HDAC1: variants seen among roughly 807,000 people sequenced by gnomAD.
HDAC1 encodes the protein protein deacetylase HDAC1.
In HDAC1, 18 loss-of-function variants were observed where a neutral mutation model predicts 65.5. The observed-to-expected ratio is 0.27, with a 90% CI of 0.19 to 0.41. The LOEUF is 0.41. Ranked by LOEUF, HDAC1 falls within the 10% of genes least tolerant of loss-of-function variation. The pLI is 1.00. For missense variants in HDAC1, 373 were observed against 625.2 expected (o/e 0.60, Z 4.30); for synonymous variants, 211 against 227.9 (o/e 0.93, Z 0.67).
At chr1:32,321,960 C>T (rs776492876) in intron 3 of HDAC1, among the ~76,000 whole-genome samples, 4 of 152,154 alleles carry the variant, frequency 2.6e-5, no homozygotes, top group Non-Finnish European at 5.9e-5. Context: ...AAGAGACCCA[C>T]CCGCTGCACA....
Position 32,313,990 on chromosome 1 carries a change from A to G in HDAC1, c.163-2675A>G, listed in dbSNP as rs938629962. The stretch of plus-strand genomic sequence containing the variant: ...AGTAAAAATTCATAAAGTAGACAAT[A>G]ATCATACAGATGCACAACAATAAAA... On this transcript the variant is annotated intron_variant, in intron 2 of 13. Coordinates refer to ENST00000373548, the MANE Select transcript of HDAC1 (RefSeq NM_004964.3). Among the ~76,000 whole-genome samples, 9 of 152,238 alleles carry G rather than the reference A, an allele frequency of 5.9e-5. 1 individual carries two copies. Among genetic ancestry groups the G allele is most frequent in the Admixed American group, 1.3e-4 (2 of 15,276 alleles).
At chr1:32,315,525 G>A (rs1163691518) in intron 2 of HDAC1, among the ~76,000 whole-genome samples, 1 of 150,432 alleles carries the variant, frequency 6.6e-6, no homozygotes, top group East Asian at 2.0e-4. Flanking sequence ...GCTAATTTTT[G>A]TATTTTTAGT....
chr1:32,329,399 G>T lies in HDAC1; in HGVS notation c.729+239G>T, dbSNP rs1234500655. On this transcript the variant is annotated intron_variant, in intron 7 of 13. Coordinates refer to ENST00000373548, the MANE Select transcript of HDAC1 (RefSeq NM_004964.3). The surrounding 1 kb of genome is among the most constrained non-coding windows in gnomAD (Gnocchi z 4.1). ...CAAAAATATCTAAGACATGATCTTT[G>T]CCCTCACGGACTATGGTGGGGAAGG... The T allele has an allele frequency of 8.5e-6, 5 of 587,088 alleles. No individual in the cohort carries two copies. The highest frequency in any genetic ancestry group is 1.5e-5 in the Non-Finnish European group (5 of 328,334). 36.4% of individuals were successfully genotyped at this position (587,088 alleles called of 1,614,324 possible).
intron 2 of HDAC1, among the ~76,000 whole-genome samples, chr1:32,309,192 GGTA>G (rs1351233828): frequency 6.6e-6 from 1 of 152,178 alleles, no homozygotes; most frequent in East Asian, 1.9e-4. Context: ...TTCAAATAAA[GGTA>G]GAACCTGCTC....
At chr1:32,311,394 G>T (rs1640989038) in intron 2 of HDAC1, among the ~76,000 whole-genome samples, 1 of 152,002 alleles carries the variant, frequency 6.6e-6, no homozygotes, top group African/African-American at 2.4e-5. Context: ...CTGAACTTGG[G>T]CAGCAGAAGT....
chr1:32,329,277 T>C lies in HDAC1; in HGVS notation c.729+117T>C. 1.4e-6 allele frequency: 1 copy of C among 736,996 alleles called. No individual in the cohort carries two copies. Among genetic ancestry groups the C allele is most frequent in the Non-Finnish European group, 2.5e-6 (1 of 403,768 alleles). 45.7% of individuals were successfully genotyped at this position (736,996 alleles called of 1,614,324 possible). A position where few individuals can be genotyped will look rare whatever the true frequency, so the allele number is the denominator to read the frequency against. On this transcript the variant is annotated intron_variant, in intron 7 of 13. Coordinates refer to ENST00000373548, the MANE Select transcript of HDAC1 (RefSeq NM_004964.3). The surrounding 1 kb of genome is among the most constrained non-coding windows in gnomAD (Gnocchi z 4.1). Reference sequence around the variant, plus strand: ...CTCCTTACTAAAGCTGGTGGGGAGATAGAAGTGTTTGAACCCTGGATTGCT... The same window carrying C: ...CTCCTTACTAAAGCTGGTGGGGAGACAGAAGTGTTTGAACCCTGGATTGCT...
chr1:32,306,548 C>T (rs1445503213), intron 2 of HDAC1, among the ~76,000 whole-genome samples: 2 of 152,210 alleles, frequency 1.3e-5, no homozygotes, highest in East Asian at 3.8e-4. Flanking sequence ...CCTCAAGCTC[C>T]TGGACTCAAG....
At position 32,331,358 on chromosome 1, in the gene HDAC1, C is replaced by A. The variant is rs2148072889; in HGVS notation, c.980-116C>A. The A allele has an allele frequency of 1.5e-6, 1 of 671,842 alleles. No homozygotes were observed. The highest frequency in any genetic ancestry group is 1.8e-5 in the South Asian group (1 of 56,554). 41.6% of individuals were successfully genotyped at this position (671,842 alleles called of 1,614,324 possible). A position where few individuals can be genotyped will look rare whatever the true frequency, so the allele number is the denominator to read the frequency against. On this transcript the variant is annotated intron_variant, in intron 9 of 13. Coordinates refer to ENST00000373548, the MANE Select transcript of HDAC1 (RefSeq NM_004964.3). The surrounding 1 kb of genome is among the most constrained non-coding windows in gnomAD (Gnocchi z 4.2). ...CTCACAGTGTCTTGGAGGCATTCTC[C>A]TCTGTTTGGATAAATAGGCCCAGAG...
chr1:32,328,722 G>T (rs542579113), intron 6 of HDAC1, among the ~76,000 whole-genome samples: 92 of 152,184 alleles, frequency 6.0e-4, no homozygotes, highest in Non-Finnish European at 1.1e-3. Context: ...GAGTGGAAAG[G>T]GTTGTCAAGG....
chr1:32,327,473 A>G lies in HDAC1; in HGVS notation c.495-63A>G. On this transcript the variant is annotated intron_variant, in intron 5 of 13. Coordinates refer to ENST00000373548, the MANE Select transcript of HDAC1 (RefSeq NM_004964.3). This position sits in a 1 kb window ranked among gnomAD's most constrained non-coding sequence, Gnocchi z 6.0. ...CAGCCAGCCCGGTAAGCTGGGAGCT[A>G]GCGCCCTTGGCACGTCCCATCCCCA... 7.9e-7 allele frequency: 1 copy of G among 1,257,900 alleles called. No homozygotes were observed. Among genetic ancestry groups the G allele is most frequent in the Non-Finnish European group, 1.2e-6 (1 of 863,706 alleles). The allele number at this position is 1,257,900 out of a possible 1,614,324, so 77.9% of individuals were successfully genotyped here. A position where few individuals can be genotyped will look rare whatever the true frequency, so the allele number is the denominator to read the frequency against.
chr1:32,298,454 C>T (rs868723790), intron 1 of HDAC1, among the ~76,000 whole-genome samples: 2 of 151,338 alleles, frequency 1.3e-5, no homozygotes, highest in South Asian at 4.2e-4. Flanking sequence ...CTCCTTACCT[C>T]ATGATCCACC....
chr1:32,316,589 TATAA>T (rs1211814687), intron 2 of HDAC1, 72 bp from the exon 3 acceptor site: 4 of 817,524 alleles, frequency 4.9e-6, no homozygotes, highest in Admixed American at 3.7e-5. Flanking sequence ...GCGCAGGAAA[TATAA>T]ATATTCAAAC....
rs762314247 is a variant in HDAC1 at position 32,316,659 on chromosome 1, C to G, written c.163-6C>G. On this transcript the variant is annotated splice_polypyrimidine_tract_variant and splice_region_variant and intron_variant, in intron 2 of 13. Transcript: ENST00000373548. ...TAACTTGCCCTTTCTCCCTTCTGCC[C>G]TCTAGCGCCCTCACAAAGCCAATGC... 1.9e-6 allele frequency: 3 copies of G among 1,588,674 alleles called. No homozygotes were observed. In the South Asian group the frequency reaches 3.3e-5, roughly 18 times the overall value.
chr1:32,292,455 A>G, intron 1 of HDAC1: 1 of 984,804 alleles, frequency 1.0e-6, no homozygotes, highest in Non-Finnish European at 1.2e-6. Context: ...TGATGGGAAG[A>G]TTCTGAGGAA....
intron 4 of HDAC1, among the ~76,000 whole-genome samples, chr1:32,326,399 A>G (rs1391849725): frequency 6.6e-6 from 1 of 152,110 alleles, no homozygotes; most frequent in Non-Finnish European, 1.5e-5. Flanking sequence ...TCTTGACCTC[A>G]GGTGATGTGC....
chr1:32,326,923 C>G lies in HDAC1; in HGVS notation c.356-16C>G. The G allele has an allele frequency of 6.2e-7, 1 of 1,613,570 alleles. No individual in the cohort carries two copies. The highest frequency in any genetic ancestry group is 8.5e-7 in the Non-Finnish European group (1 of 1,179,866). On this transcript the variant is annotated splice_polypyrimidine_tract_variant and intron_variant, in intron 4 of 13. Coordinates refer to ENST00000373548, the MANE Select transcript of HDAC1 (RefSeq NM_004964.3). ...TGGCTTAGTAACAGGCTTATGTTCT[C>G]TTTTCTCATGCCCAGCAAGTGCTGT...
chr1:32,309,674 GAGTCTCAAAAAAAAAAAAAAAAAAA>G (rs551698268), intron 2 of HDAC1, among the ~76,000 whole-genome samples: 1,632 of 135,832 alleles, frequency 0.012, 22 homozygotes, highest in Middle Eastern at 0.031. Flanking sequence ...GCAACAGAGC[GAGTCTCAAAAAAAAAAAAAAAAAAA>G]AAACAAGCCT....
At chr1:32,324,333 C>T in intron 3 of HDAC1, 146 bp from the exon 4 acceptor site, 2 of 639,944 alleles carry the variant, frequency 3.1e-6, no homozygotes, top group South Asian at 1.9e-5. Flanking sequence ...TGTTAAACAA[C>T]TTGATGCAGT....
intron 2 of HDAC1, among the ~76,000 whole-genome samples, chr1:32,307,143 G>C (rs191742535): frequency 1.3e-5 from 2 of 152,274 alleles, no homozygotes; most frequent in Non-Finnish European, 2.9e-5. Flanking sequence ...TACTCAGGAG[G>C]CTGAGACAGG....
Sources: gnomAD v4.1 joint callset for allele counts (sites outside exome capture counted in the v4.1 genomes callset) on GRCh38, gnomAD v4.1.1 for gene constraint, Gnocchi (gnomAD v3.1) non-coding constraint, MANE v1.5 for transcripts, NCBI Gene and HGNC (gene_info 2026-07-23, HGNC 2026-07-21) for gene names.